CEBPZ: variants seen among roughly 807,000 people sequenced by gnomAD.
CEBPZ encodes the protein CCAAT/enhancer-binding protein zeta.
CEBPZ carries 78 observed loss-of-function variants against 104.5 expected under a neutral mutation model. That is an observed-to-expected ratio of 0.75 (90% CI 0.62 to 0.90). The LOEUF (loss-of-function observed/expected upper bound fraction) is 0.90. Ranked by LOEUF, CEBPZ falls within the 40% of genes least tolerant of loss-of-function variation. The pLI is 0.00. For synonymous variants in CEBPZ, 470 were observed against 427.0 expected (o/e 1.10, Z -1.24); for missense variants, 1,439 against 1,233.5 (o/e 1.17, Z -2.50).
intron 2 of CEBPZ, among the ~76,000 whole-genome samples, chr2:37,226,917 C>CA (rs956783526): frequency 1.1e-4 from 16 of 151,762 alleles, no homozygotes; most frequent in Admixed American, 3.3e-4. Flanking sequence ...AAAACAACAA[C>CA]AAAAAAAACC....
rs1170251854 is a variant in CEBPZ at position 37,231,440 on chromosome 2, T to C, written c.128A>G (p.Glu43Gly). 12 of 1,614,050 alleles carry C rather than the reference T, an allele frequency of 7.4e-6. No homozygotes were observed. The highest frequency in any genetic ancestry group is 9.3e-6 in the Non-Finnish European group (11 of 1,180,032). The change falls in exon 1 of 16, where the codon GAG (glutamate) becomes GGG (glycine). Residue 43 changes from glutamate (E) to glycine (G), a missense_variant. Transcript: ENST00000234170. The part of the protein sequence containing the change: ...TSEAENGFSL[E>G]EVLRLGGTKQ... ...GGTGCCTCCGAGCCGTAACACTTCC[T>C]CCAGGGAGAACCCATTCTCGGCTTC...
chr2:37,201,933 C>G (rs1210577488), intron 15 of CEBPZ, 30 bp from the exon 16 acceptor site: 1 of 1,603,050 alleles, frequency 6.2e-7, no homozygotes, highest in Non-Finnish European at 8.5e-7. Flanking sequence ...GATGAGTGTA[C>G]TACCACACTG....
intron 2 of CEBPZ, 42 bp from the exon 3 acceptor site, chr2:37,223,443 A>T (rs1664814821): frequency 6.5e-7 from 1 of 1,533,018 alleles, no homozygotes; most frequent in East Asian, 2.3e-5. Flanking sequence ...GTATAAAACC[A>T]TCTCCACAAC....
chr2:37,212,847 A>C (rs536553302), intron 10 of CEBPZ, among the ~76,000 whole-genome samples: 335 of 149,178 alleles, frequency 2.2e-3, no homozygotes, highest in Non-Finnish European at 3.2e-3. Flanking sequence ...AAAAAAAAAA[A>C]AAAACAAAAA....
chr2:37,229,757 G>T (rs541039444), intron 1 of CEBPZ, among the ~76,000 whole-genome samples: 4 of 152,326 alleles, frequency 2.6e-5, no homozygotes, highest in East Asian at 1.9e-4. Flanking sequence ...GTCCAGGCTT[G>T]AGTACAGTGG....
rs750376654 is a variant in CEBPZ, at chr2:37,202,999, T to G, written c.2894A>C (p.Lys965Thr). The change falls in exon 14 of 16, where the codon AAA becomes ACA. Residue 965 changes from lysine (K) to threonine (T), a missense_variant. By Grantham distance (78) the Lys-to-Thr change is moderately conservative (BLOSUM62 -1). Coordinates refer to ENST00000234170, the MANE Select transcript of CEBPZ (RefSeq NM_005760.3). Reference protein sequence around the residue: ...DFAGSFQGPRKKKRNLNDSSL... With the variant: ...DFAGSFQGPRTKKRNLNDSSL... ...GGAATCATTTAAGTTTCTTTTCTTT[T>G]TTCTTGGCCCTAAAAAAAATTGTAA... is the stretch of plus-strand genomic sequence containing the variant. 1 of 1,549,636 alleles carries G rather than the reference T, an allele frequency of 6.5e-7. No individual in the cohort carries two copies. The highest frequency in any genetic ancestry group is 1.3e-5 in the South Asian group (1 of 78,588).
intron 4 of CEBPZ, 85 bp from the exon 5 acceptor site, chr2:37,220,558 C>A: frequency 1.7e-6 from 1 of 584,984 alleles, no homozygotes; most frequent in East Asian, 3.3e-5. Flanking sequence ...TTAATATTCT[C>A]AACAGATATC....
intron 3 of CEBPZ, among the ~76,000 whole-genome samples, 195 bp from the exon 4 acceptor site, chr2:37,222,758 C>G (rs1004864250): frequency 6.6e-6 from 1 of 152,154 alleles, no homozygotes; most frequent in Non-Finnish European, 1.5e-5. Context: ...AAACATAACA[C>G]AGTTAAGTTT....
intron 1 of CEBPZ, among the ~76,000 whole-genome samples, chr2:37,230,779 T>C (rs1665053313): frequency 6.6e-6 from 1 of 152,180 alleles, no homozygotes; most frequent in Non-Finnish European, 1.5e-5. Flanking sequence ...GTCTTTGCAT[T>C]TGCTGTTCCA....
intron 2 of CEBPZ, among the ~76,000 whole-genome samples, chr2:37,224,310 A>G (rs1050124098): frequency 6.6e-6 from 1 of 152,176 alleles, no homozygotes; most frequent in Non-Finnish European, 1.5e-5. Flanking sequence ...CATGTCCCCA[A>G]CCGGTCTAGA....
chr2:37,210,934 CA>C (rs1558470160), intron 13 of CEBPZ, 64 bp downstream of exon 13: 2 of 1,214,316 alleles, frequency 1.6e-6, no homozygotes, highest in South Asian at 1.4e-5. Context: ...GTTCATTTCC[CA>C]AAATGATAAT....
chr2:37,204,095 A>AT (rs1173409603), intron 13 of CEBPZ: 1 of 152,174 alleles, frequency 6.6e-6, no homozygotes, highest in East Asian at 1.9e-4. Context: ...TAACAGCTGT[A>AT]TAATACACAT....
intron 3 of CEBPZ, among the ~76,000 whole-genome samples, chr2:37,222,799 C>CTAAT (rs1264963495): frequency 6.6e-6 from 1 of 152,210 alleles, no homozygotes; most frequent in Non-Finnish European, 1.5e-5. Context: ...CTTAAGGACT[C>CTAAT]TAATACTTGA....
intron 13 of CEBPZ, chr2:37,210,786 TAA>T (rs1385846993): frequency 5.0e-5 from 23 of 462,970 alleles, no homozygotes; most frequent in Admixed American, 4.7e-4. Flanking sequence ...AACAAATTTT[TAA>T]AAAGTGAATG....
intron 12 of CEBPZ, 199 bp downstream of exon 12, chr2:37,211,644 C>A: frequency 2.0e-6 from 1 of 492,884 alleles, no homozygotes; most frequent in Non-Finnish European, 3.5e-6. Context: ...CAAAAAGCTG[C>A]TTAAAAGAAA....
At chr2:37,216,943 T>C (rs1382245060) in intron 6 of CEBPZ, 41 bp downstream of exon 6, 1 of 1,507,024 alleles carries the variant, frequency 6.6e-7, no homozygotes, top group Admixed American at 1.7e-5. Flanking sequence ...AAATGATACT[T>C]TTTTTCTTAT....
chr2:37,214,762 T>A, intron 9 of CEBPZ, 124 bp downstream of exon 9: 2 of 544,914 alleles, frequency 3.7e-6, no homozygotes, highest in Non-Finnish European at 6.6e-6. Flanking sequence ...TAATGTTCCA[T>A]GGTCTATTTA....
chr2:37,230,809 C>G (rs1665055369), intron 1 of CEBPZ, among the ~76,000 whole-genome samples: 1 of 152,154 alleles, frequency 6.6e-6, no homozygotes, highest in African/African-American at 2.4e-5. Context: ...AATGGCAGCT[C>G]ACTCCTTCCT....
At chr2:37,203,195 TAAC>T in intron 13 of CEBPZ, 187 bp from the exon 14 acceptor site, 2 of 428,582 alleles carry the variant, frequency 4.7e-6, no homozygotes, top group Non-Finnish European at 4.1e-6. Context: ...TTCAAAAAGC[TAAC>T]AACATCCTAA....
Sources: allele counts gnomAD v4.1 joint callset (sites outside exome capture counted in the v4.1 genomes callset), GRCh38; gene constraint gnomAD v4.1.1; transcripts MANE v1.5; gene names NCBI Gene and HGNC (gene_info 2026-07-23, HGNC 2026-07-21).